Variants in DAB1 observed in about 807,000 individuals in gnomAD.
The protein encoded by DAB1 is DAB adaptor protein 1.
Under a neutral mutation model 64.6 loss-of-function variants are expected in DAB1, and 15 were observed. That is an observed-to-expected ratio of 0.23 (90% CI 0.16 to 0.36). The LOEUF is 0.36. Ranked by LOEUF, DAB1 falls within the 10% of genes least tolerant of loss-of-function variation. The probability of loss-of-function intolerance (pLI) is 1.00; values close to 1 mark genes in which losing one functional copy is unlikely to be tolerated. For synonymous variants in DAB1, 235 were observed against 251.9 expected (o/e 0.93, Z 0.64); for missense variants, 596 against 706.7 (o/e 0.84, Z 1.78).
At chr1:57,611,236 C>T (rs1220894995) in intron 7 of DAB1, among the ~76,000 whole-genome samples, 1 of 144,608 alleles carries the variant, frequency 6.9e-6, no homozygotes, top group African/African-American at 2.6e-5. Context: ...CAAGAGTTAA[C>T]AGGTGAGAGC....
At chr1:57,208,773 A>G (rs1049363175) in intron 2 of DAB1, among the ~76,000 whole-genome samples, 11 of 152,168 alleles carry the variant, frequency 7.2e-5, no homozygotes, top group African/African-American at 2.4e-4. Flanking sequence ...CATTTTGTAG[A>G]TGAGGAAACT....
intron 5 of DAB1, among the ~76,000 whole-genome samples, chr1:57,906,009 CA>C (rs1406643088): frequency 1.3e-5 from 2 of 152,116 alleles, no homozygotes; most frequent in Non-Finnish European, 2.9e-5. Flanking sequence ...GACTGGGGCA[CA>C]ATACTACTTG....
At chr1:58,350,374 A>G (rs115962393) in intron 3 of DAB1, among the ~76,000 whole-genome samples, 7,927 of 152,188 alleles carry the variant, frequency 0.052, 222 homozygotes, top group East Asian at 0.11. Flanking sequence ...TCAGGCGGAT[A>G]GATTGTAAAA....
intron 1 of DAB1, chr1:57,307,024 T>C (rs1255236369): frequency 6.6e-6 from 1 of 152,168 alleles, no homozygotes. Flanking sequence ...TCACCTCCCA[T>C]TTAACAGGAA....
At chr1:58,266,042 C>CCACCACCAT (rs1661151967) in intron 4 of DAB1, among the ~76,000 whole-genome samples, 1 of 150,636 alleles carries the variant, frequency 6.6e-6, no homozygotes, top group Non-Finnish European at 1.5e-5. Flanking sequence ...ATACACCCCA[C>CCACCACCAT]CACCACCACC....
At chr1:58,460,850 T>C (rs1251813175) in intron 3 of DAB1, among the ~76,000 whole-genome samples, 1 of 152,230 alleles carries the variant, frequency 6.6e-6, no homozygotes, top group Non-Finnish European at 1.5e-5. Context: ...TGCTCAGTAT[T>C]TGTCACCTAC....
In DAB1 at chr1:56,996,303, C is replaced by T. The variant is rs952511942; in HGVS notation, c.*1841G>A. The T allele has an allele frequency of 6.6e-6, 1 of 152,304 alleles. No homozygotes were observed. Among genetic ancestry groups the T allele is most frequent in the African/African-American group, 2.4e-5 (1 of 41,566 alleles). 9.4% of individuals were successfully genotyped at this position (152,304 alleles called of 1,614,324 possible). A position where few individuals can be genotyped will look rare whatever the true frequency, so the allele number is the denominator to read the frequency against. ...AATTATCCTCAAATCCAATTAATCACATGAATCTTTAAAGTTTTCTTCTTA... is the reference window on the plus strand; with the variant it reads ...AATTATCCTCAAATCCAATTAATCATATGAATCTTTAAAGTTTTCTTCTTA... On this transcript the variant is annotated 3_prime_UTR_variant, in exon 15 of 15. Coordinates refer to ENST00000371236, the MANE Select transcript of DAB1 (RefSeq NM_001365792.1).
intron 7 of DAB1, among the ~76,000 whole-genome samples, chr1:57,615,815 C>G (rs1347410827): frequency 1.3e-5 from 2 of 152,200 alleles, no homozygotes; most frequent in African/African-American, 4.8e-5. Flanking sequence ...TAAGGGTTTA[C>G]AGTGGAACTA....
At position 57,847,959 on chromosome 1, in the gene DAB1, C is replaced by T. The variant is rs192587879; in HGVS notation, n.88-21504G>A. 3.3e-5 allele frequency among the ~76,000 whole-genome samples: 5 copies of T among 152,186 alleles called. No individual in the cohort carries two copies. In the East Asian group the frequency reaches 9.6e-4, roughly 29 times the overall value. On this transcript the variant is annotated intron_variant and non_coding_transcript_variant, in intron 1 of 1. Coordinates refer to the DAB1 transcript ENST00000477280. ...CTATTACAAAGTAGGAGATTATTAT[C>T]CCTGTATTAAAGATAAGAAAACTGA...
At chr1:57,142,273 T>A (rs146245311) in intron 3 of DAB1, among the ~76,000 whole-genome samples, 1,931 of 152,270 alleles carry the variant, frequency 0.013, 30 homozygotes, top group African/African-American at 0.044. Flanking sequence ...GAATTTTTTA[T>A]TTCTCATATG....
intron 1 of DAB1, among the ~76,000 whole-genome samples, chr1:57,308,625 T>G (rs1674399511): frequency 6.6e-6 from 1 of 152,224 alleles, no homozygotes; most frequent in East Asian, 1.9e-4. Context: ...TATCCAATCA[T>G]TCTGGTGGCA....
At chr1:58,045,639 G>T (rs1050301179) in intron 5 of DAB1, among the ~76,000 whole-genome samples, 2 of 152,046 alleles carry the variant, frequency 1.3e-5, no homozygotes, top group Non-Finnish European at 2.9e-5. Flanking sequence ...TTCCAGGGAA[G>T]CTTTGACCCT....
intron 6 of DAB1, among the ~76,000 whole-genome samples, chr1:57,718,978 G>T (rs1340353937): frequency 6.6e-6 from 1 of 151,692 alleles, no homozygotes; most frequent in East Asian, 1.9e-4. Context: ...AAAAAAAGAT[G>T]ACACCTGTTG....
chr1:57,337,354 C>G (rs1389343669), intron 1 of DAB1, among the ~76,000 whole-genome samples: 1 of 152,236 alleles, frequency 6.6e-6, no homozygotes, highest in Non-Finnish European at 1.5e-5. Flanking sequence ...GTTCCAGGCA[C>G]ACCTGCCTCT....
At chr1:57,587,065 G>C (rs1414511905) in intron 7 of DAB1, among the ~76,000 whole-genome samples, 1 of 152,180 alleles carries the variant, frequency 6.6e-6, no homozygotes, top group Non-Finnish European at 1.5e-5. Context: ...ATCAACTTCA[G>C]AGGGCTCAGC....
intron 6 of DAB1, among the ~76,000 whole-genome samples, chr1:57,651,133 A>C (rs532902437): frequency 6.6e-6 from 1 of 152,120 alleles, no homozygotes; most frequent in East Asian, 1.9e-4. Flanking sequence ...GGAGGCAGCA[A>C]TTTTTCAGAG....
At chr1:58,501,647 T>A (rs1409054340) in intron 3 of DAB1, among the ~76,000 whole-genome samples, 1 of 152,206 alleles carries the variant, frequency 6.6e-6, no homozygotes, top group African/African-American at 2.4e-5. Context: ...AAGTGTCAGC[T>A]TCTCAATGAA....
intron 1 of DAB1, among the ~76,000 whole-genome samples, chr1:57,397,989 A>G (rs756355596): frequency 6.6e-6 from 1 of 152,214 alleles, no homozygotes; most frequent in Non-Finnish European, 1.5e-5. Flanking sequence ...TCTCTGTGTT[A>G]TCTGCCCATC....
intron 2 of DAB1, among the ~76,000 whole-genome samples, chr1:57,148,495 T>C (rs1467206516): frequency 6.6e-6 from 1 of 152,182 alleles, no homozygotes. Context: ...ATCGGAGCCA[T>C]AAGGCTTTAA....
Sources: gnomAD v4.1 joint callset for allele counts (sites outside exome capture counted in the v4.1 genomes callset) on GRCh38, gnomAD v4.1.1 for gene constraint, MANE v1.5 for transcripts, NCBI Gene and HGNC (gene_info 2026-07-23, HGNC 2026-07-21) for gene names.